CPSF4: variants seen among roughly 807,000 people sequenced by gnomAD.
CPSF4 encodes the protein cleavage and polyadenylation specific factor 4.
Under a neutral mutation model 37.7 loss-of-function variants are expected in CPSF4, and 11 were observed. The observed-to-expected ratio is 0.29, with a 90% CI of 0.18 to 0.48. CPSF4 has a LOEUF of 0.48. Ranked by LOEUF, CPSF4 falls within the 20% of genes least tolerant of loss-of-function variation. The pLI, the probability that CPSF4 is intolerant of heterozygous loss-of-function variation, is 0.99. For missense variants in CPSF4, 144 were observed against 359.5 expected (o/e 0.40, Z 4.85); for synonymous variants, 132 against 135.9 (o/e 0.97, Z 0.20).
intron 1 of CPSF4, 85 bp downstream of exon 1, chr7:99,439,270 G>T: frequency 1.0e-6 from 1 of 986,372 alleles, no homozygotes; most frequent in Non-Finnish European, 1.5e-6. Flanking sequence ...CCTCGCCTCG[G>T]TCCTGAGACC....
At position 99,439,197 on chromosome 7, in the gene CPSF4, G is replaced by T. The variant is rs1796642250; in HGVS notation, c.103+12G>T. 3 of 1,585,404 alleles carry T rather than the reference G, an allele frequency of 1.9e-6. No homozygotes were observed. The highest frequency in any genetic ancestry group is 2.3e-5 in the South Asian group (2 of 88,606). ...CCCCGGCATGGACAGTGAGCGCGGG[G>T]CCCGGGCGGGAGGGCAAGAGCGACT... On this transcript the variant is annotated intron_variant, in intron 1 of 7. Transcript: ENST00000292476.
At chr7:99,446,143 C>A (rs182443610) in intron 2 of CPSF4, among the ~76,000 whole-genome samples, 1 of 152,226 alleles carries the variant, frequency 6.6e-6, no homozygotes, top group East Asian at 1.9e-4. Flanking sequence ...GCCACCTTCA[C>A]ACTGTCCAGT....
rs1797686973 is a variant in CPSF4, at chr7:99,448,362, G to A, written c.307+89G>A. 2.2e-6 allele frequency: 3 copies of A among 1,386,328 alleles called. No individual in the cohort carries two copies. The highest frequency in any genetic ancestry group is 2.9e-6 in the Non-Finnish European group (3 of 1,025,978). 85.9% of individuals were successfully genotyped at this position (1,386,328 alleles called of 1,614,324 possible). A position where few individuals can be genotyped will look rare whatever the true frequency, so the allele number is the denominator to read the frequency against. On this transcript the variant is annotated intron_variant, in intron 3 of 7. Transcript: ENST00000292476. This position sits in a 1 kb window ranked among gnomAD's most constrained non-coding sequence, Gnocchi z 4.4. ...CTCAGTGCCCACACTGTCTCTGCCT[G>A]CTTTTCCCATCTTTCTATTCTCAGA...
chr7:99,445,564 T>C (rs1024729734), intron 2 of CPSF4, among the ~76,000 whole-genome samples: 5 of 152,224 alleles, frequency 3.3e-5, no homozygotes, highest in Non-Finnish European at 2.9e-5. Flanking sequence ...TTAATAATTG[T>C]ATGTGGGCCG....
intron 1 of CPSF4, chr7:99,442,869 T>C: frequency 2.7e-6 from 3 of 1,098,092 alleles, no homozygotes; most frequent in Non-Finnish European, 4.2e-6. Flanking sequence ...ACAGAAAGTA[T>C]CAAGAACCTT....
rs894288450 is a variant in CPSF4, at chr7:99,441,470, T to A, written c.103+2285T>A. ...CAGAGTCGGTAGGCACCCTCCACAC[T>A]CGCTGCTTGTCCATATCCTGTTCAG... is the stretch of plus-strand genomic sequence containing the variant. On this transcript the variant is annotated intron_variant, in intron 1 of 7. Transcript: ENST00000292476. 8.1e-5 allele frequency: 37 copies of A among 456,132 alleles called. No homozygotes were observed. In the Admixed American group the frequency reaches 8.7e-4, roughly 11 times the overall value. 28.3% of individuals were successfully genotyped at this position (456,132 alleles called of 1,614,324 possible). A position where few individuals can be genotyped will look rare whatever the true frequency, so the allele number is the denominator to read the frequency against.
At position 99,448,104 on chromosome 7, in the gene CPSF4, C is replaced by T. The variant is rs756543004; in HGVS notation, c.155-17C>T. 7 of 1,612,796 alleles carry T rather than the reference C, an allele frequency of 4.3e-6. No homozygotes were observed. In the Admixed American group the frequency reaches 1.0e-4, roughly 23 times the overall value. On this transcript the variant is annotated splice_polypyrimidine_tract_variant and intron_variant, in intron 2 of 7. Transcript: ENST00000292476. This position sits in a 1 kb window ranked among gnomAD's most constrained non-coding sequence, Gnocchi z 4.4. Reference sequence around the variant, plus strand: ...GGTGGCCTCTCTGCTGACACCCTGTCCCTATCTTGCCGGCAGGGGGCATGT... The same window carrying T: ...GGTGGCCTCTCTGCTGACACCCTGTTCCTATCTTGCCGGCAGGGGGCATGT...
At position 99,440,670 on chromosome 7, in the gene CPSF4, ATATATTT is replaced by A. The variant is rs1392760415; in HGVS notation, c.103+1487_103+1493del. ...CTGCACCTGGCATATATATATATATATATATTTTTTTTTTTTTTTTTTTCCTGCCTGT... is the reference window on the plus strand; with the variant it reads ...CTGCACCTGGCATATATATATATATATTTTTTTTTTTTTTTTCCTGCCTGT... On this transcript the variant is annotated intron_variant, in intron 1 of 7. Coordinates refer to ENST00000292476, the MANE Select transcript of CPSF4 (RefSeq NM_006693.4). Among the ~76,000 whole-genome samples, 93 of 82,674 alleles carry A rather than the reference ATATATTT, an allele frequency of 1.1e-3. 1 individual carries two copies. Among genetic ancestry groups the A allele is most frequent in the African/African-American group, 0.011 (88 of 8,082 alleles). The allele number at this position is 82,674 out of a possible 152,430, so 54.2% of individuals were successfully genotyped here.
chr7:99,452,213 C>T (rs1584511348), intron 5 of CPSF4, among the ~76,000 whole-genome samples, 155 bp from the exon 6 acceptor site: 1 of 152,224 alleles, frequency 6.6e-6, no homozygotes, highest in East Asian at 1.9e-4. Flanking sequence ...CCAGCCACCA[C>T]CCCATCCATG....
chr7:99,442,337 T>G (rs1395081873), intron 1 of CPSF4, among the ~76,000 whole-genome samples: 1 of 152,102 alleles, frequency 6.6e-6, no homozygotes, highest in Non-Finnish European at 1.5e-5. Flanking sequence ...TGCTTTTTTT[T>G]TCTTTTCTTT....
At position 99,453,909 on chromosome 7, in the gene CPSF4, G is replaced by A. The variant is rs370251051; in HGVS notation, c.571-57G>A. ...CGCCCTCTTTTTTCCTGTCCCCATCGGTAGTCTGCGTGCACGTGTTTTCCA... is the reference window on the plus strand; with the variant it reads ...CGCCCTCTTTTTTCCTGTCCCCATCAGTAGTCTGCGTGCACGTGTTTTCCA... On this transcript the variant is annotated intron_variant, in intron 6 of 7. Coordinates refer to ENST00000292476, the MANE Select transcript of CPSF4 (RefSeq NM_006693.4). The surrounding 1 kb of genome is among the most constrained non-coding windows in gnomAD (Gnocchi z 4.7). The A allele has an allele frequency of 2.3e-5, 35 of 1,542,528 alleles. No homozygotes were observed. The African/African-American group carries it at 3.0e-4, about 13-fold the overall frequency.
chr7:99,439,244 T>G (rs1292949299), intron 1 of CPSF4, 59 bp downstream of exon 1: 1 of 1,307,458 alleles, frequency 7.6e-7, no homozygotes, highest in Non-Finnish European at 1.1e-6. Context: ...CCCGCTCCTC[T>G]GTGATCCCGG....
At chr7:99,451,791 T>A (rs1797949591) in intron 5 of CPSF4, among the ~76,000 whole-genome samples, 1 of 152,158 alleles carries the variant, frequency 6.6e-6, no homozygotes, top group Admixed American at 6.5e-5. Flanking sequence ...CAGACAAGCC[T>A]CCCTTCCTCC....
intron 7 of CPSF4, among the ~76,000 whole-genome samples, chr7:99,454,505 C>T (rs552697971): frequency 1.3e-5 from 2 of 152,202 alleles, no homozygotes; most frequent in African/African-American, 4.8e-5. Flanking sequence ...AGGGCACACC[C>T]GAGAAAACAG....
Position 99,448,378 on chromosome 7 carries a change from T to C in CPSF4, c.307+105T>C, listed in dbSNP as rs1408438671. 3 of 1,304,954 alleles carry C rather than the reference T, an allele frequency of 2.3e-6. No individual in the cohort carries two copies. Among genetic ancestry groups the C allele is most frequent in the Non-Finnish European group, 3.1e-6 (3 of 962,976 alleles). The allele number at this position is 1,304,954 out of a possible 1,614,324, so 80.8% of individuals were successfully genotyped here. ...TCTCTGCCTGCTTTTCCCATCTTTC[T>C]ATTCTCAGAGGAGAACTCTGGCAGA... On this transcript the variant is annotated intron_variant, in intron 3 of 7. Transcript: ENST00000292476. This position sits in a 1 kb window ranked among gnomAD's most constrained non-coding sequence, Gnocchi z 4.4.
chr7:99,456,820 T>G lies in CPSF4; in HGVS notation c.*320T>G, dbSNP rs1045298882. On this transcript the variant is annotated 3_prime_UTR_variant, in exon 8 of 8. Transcript: ENST00000292476. Reference sequence around the variant, plus strand: ...GCTGGGGAGGGGCTTGGCTAGGTAGTTCTGTGTGGCGGTGGTCATTCCCCT... The same window carrying G: ...GCTGGGGAGGGGCTTGGCTAGGTAGGTCTGTGTGGCGGTGGTCATTCCCCT... 16 of 448,130 alleles carry G rather than the reference T, an allele frequency of 3.6e-5. No individual in the cohort carries two copies. Among genetic ancestry groups the G allele is most frequent in the East Asian group, 1.4e-4 (3 of 21,298 alleles). The allele number at this position is 448,130 out of a possible 1,614,324, so 27.8% of individuals were successfully genotyped here.
At position 99,456,543 on chromosome 7, in the gene CPSF4, T is replaced by C. The variant is rs760104244; in HGVS notation, c.*43T>C. 1.9e-6 allele frequency: 3 copies of C among 1,545,582 alleles called. No individual in the cohort carries two copies. The highest frequency in any genetic ancestry group is 1.8e-6 in the Non-Finnish European group (2 of 1,119,248). The stretch of plus-strand genomic sequence containing the variant: ...TCCGAGCAGCCCGGGGGCCCCGCTG[T>C]TGGGAGTGTGCATTTAACTGTTTCA... On this transcript the variant is annotated 3_prime_UTR_variant, in exon 8 of 8. Transcript: ENST00000292476.
intron 5 of CPSF4, among the ~76,000 whole-genome samples, chr7:99,451,626 T>C (rs1385449483): frequency 6.6e-6 from 1 of 152,150 alleles, no homozygotes; most frequent in African/African-American, 2.4e-5. Flanking sequence ...AATAAATAAA[T>C]AGCAAGTCTG....
At position 99,456,497 on chromosome 7, in the gene CPSF4, G is replaced by A; in HGVS notation, c.807G>A (p.Gln269=). The A allele has an allele frequency of 6.2e-7, 1 of 1,614,102 alleles. No homozygotes were observed. Among genetic ancestry groups the A allele is most frequent in the Non-Finnish European group, 8.5e-7 (1 of 1,179,980 alleles). ...GGCACTTGGCCTTTCTCAGTGGACAGTGACAGCAGCTGGAGCCAGCTCCGA... is the reference window on the plus strand; with the variant it reads ...GGCACTTGGCCTTTCTCAGTGGACAATGACAGCAGCTGGAGCCAGCTCCGA... ...TKGHLAFLSG[Q] is the part of the protein sequence containing the mutation. The change falls in exon 8 of 8, where the codon CAG becomes CAA. Residue 269 remains glutamine, a synonymous_variant. Transcript: ENST00000292476.
Sources: allele counts gnomAD v4.1 joint callset (sites outside exome capture counted in the v4.1 genomes callset), GRCh38; gene constraint gnomAD v4.1.1; non-coding constraint Gnocchi (gnomAD v3.1); transcripts MANE v1.5; gene names NCBI Gene and HGNC (gene_info 2026-07-23, HGNC 2026-07-21).